Variants in SGSM1 observed in about 807,000 individuals in gnomAD.
SGSM1 encodes small G protein signaling modulator 1.
SGSM1 carries 73 observed loss-of-function variants against 133.8 expected under a neutral mutation model. The observed-to-expected ratio is 0.55, with a 90% CI of 0.45 to 0.66. The LOEUF (loss-of-function observed/expected upper bound fraction) is 0.66. Ranked by LOEUF, SGSM1 falls within the 30% of genes least tolerant of loss-of-function variation. The pLI, the probability that SGSM1 is intolerant of heterozygous loss-of-function variation, is 0.00. For missense variants in SGSM1, 1,213 were observed against 1,448.1 expected, an observed-to-expected ratio of 0.84 and a Z score of 2.64; for synonymous variants, 563 against 573.0, an observed-to-expected ratio of 0.98 and a Z score of 0.25.
chr22:24,893,502 G>T lies in SGSM1; in HGVS notation c.1842G>T (p.Arg614=). ...GGCTGGGCTGCGAGGCGATCGTGCG[G>T]CAGAGGGAGCGGGAGTCCCATGCGG... ...AEWLGCEAIV[R]QRERESHAAA... The change falls in exon 17 of 25, where the codon CGG becomes CGT. Residue 614 remains arginine, a synonymous_variant. Transcript: ENST00000400358. 6.2e-7 allele frequency: 1 copy of T among 1,613,598 alleles called. No homozygotes were observed. The highest frequency in any genetic ancestry group is 2.2e-5 in the East Asian group (1 of 44,854).
intron 2 of SGSM1, among the ~76,000 whole-genome samples, chr22:24,830,696 A>AGTGTATGGAGAG (rs1929067767): frequency 6.8e-6 from 1 of 147,046 alleles, no homozygotes; most frequent in Non-Finnish European, 1.5e-5. Flanking sequence ...ACCAGAAGGA[A>AGTGTATGGAGAG]GCTTTTCCTT....
In SGSM1 at chr22:24,819,124, C is replaced by T. The variant is rs146828951; in HGVS notation, c.63+12640C>T. Among the ~76,000 whole-genome samples the T allele has an allele frequency of 7.0e-3, 1,011 of 143,624 alleles. 12 individuals carry two copies. Among genetic ancestry groups the T allele is most frequent in the African/African-American group, 0.025 (961 of 38,494 alleles). 94.2% of individuals were successfully genotyped at this position (143,624 alleles called of 152,430 possible). On this transcript the variant is annotated intron_variant, in intron 2 of 24. Transcript: ENST00000400358. ...TTGCACCACTGCACTCCAGCCTGGG[C>T]GACAGAGCAAGACTCTGTCAAAAAA...
intron 9 of SGSM1, among the ~76,000 whole-genome samples, chr22:24,864,259 T>C (rs527472156): frequency 2.6e-5 from 4 of 152,330 alleles, no homozygotes; most frequent in East Asian, 3.9e-4. Flanking sequence ...ACAGACCAAC[T>C]TGGCAGTTTC....
chr22:24,830,190 C>T (rs16979022), intron 2 of SGSM1, among the ~76,000 whole-genome samples: 27,855 of 152,110 alleles, frequency 0.18, 3,219 homozygotes, highest in African/African-American at 0.31. Context: ...GCTGTCAGCT[C>T]GGGAAGATAC....
intron 11 of SGSM1, 34 bp downstream of exon 11, chr22:24,868,573 T>C (rs1931587862): frequency 6.2e-7 from 1 of 1,612,682 alleles, no homozygotes; most frequent in Non-Finnish European, 8.5e-7. Context: ...GAGGCTGGGG[T>C]GGAGGCTGGT....
At chr22:24,817,126 A>C (rs9612774) in intron 2 of SGSM1, among the ~76,000 whole-genome samples, 2,537 of 152,302 alleles carry the variant, frequency 0.017, 41 homozygotes, top group Middle Eastern at 0.031. Context: ...AGATGTCCAC[A>C]TCAAAGGGCT....
chr22:24,874,288 T>C, intron 12 of SGSM1: 2 of 912,234 alleles, frequency 2.2e-6, no homozygotes, highest in East Asian at 2.7e-5. Flanking sequence ...ACAGTGAATG[T>C]GGGAGCTGTG....
chr22:24,815,605 C>T (rs932404160), intron 2 of SGSM1, among the ~76,000 whole-genome samples: 2 of 152,022 alleles, frequency 1.3e-5, no homozygotes, highest in East Asian at 1.9e-4. Flanking sequence ...ATTAGCCGGG[C>T]GTGGTGGCGG....
intron 2 of SGSM1, among the ~76,000 whole-genome samples, chr22:24,827,695 A>G (rs4820615): frequency 0.66 from 100,613 of 151,762 alleles, 33,749 homozygotes; most frequent in East Asian, 0.88. Context: ...GATCTCATTC[A>G]GGCCTCCTCA....
chr22:24,915,686 T>G (rs1933797098), intron 22 of SGSM1, among the ~76,000 whole-genome samples: 1 of 152,246 alleles, frequency 6.6e-6, no homozygotes, highest in African/African-American at 2.4e-5. Flanking sequence ...GCATTTATCC[T>G]TTGTGCTCCA....
At chr22:24,900,860 C>T (rs956002583) in intron 19 of SGSM1, among the ~76,000 whole-genome samples, 51 of 152,164 alleles carry the variant, frequency 3.4e-4, no homozygotes, top group African/African-American at 1.2e-3. Context: ...AACATGAGCT[C>T]ATATTTCTTG....
intron 13 of SGSM1, among the ~76,000 whole-genome samples, chr22:24,876,972 A>G (rs144253833): frequency 0.011 from 1,749 of 152,314 alleles, 16 homozygotes; most frequent in African/African-American, 0.04. Context: ...TTTATCATGC[A>G]TGCTGTGTTT....
At chr22:24,829,037 C>CA (rs139628) in intron 2 of SGSM1, among the ~76,000 whole-genome samples, 3 of 151,014 alleles carry the variant, frequency 2.0e-5, no homozygotes, top group South Asian at 4.2e-4. Context: ...ATTAAAAATA[C>CA]AAAAAAAAAT....
chr22:24,856,694 T>C (rs139686), intron 8 of SGSM1, among the ~76,000 whole-genome samples: 18,692 of 152,094 alleles, frequency 0.12, 1,845 homozygotes, highest in African/African-American at 0.27. Flanking sequence ...CCTCCGTATC[T>C]GCATCACAAT....
chr22:24,808,137 G>A lies in SGSM1; in HGVS notation c.63+1653G>A, dbSNP rs180905470. Among the ~76,000 whole-genome samples, 18 of 137,508 alleles carry A rather than the reference G, an allele frequency of 1.3e-4. No homozygotes were observed. The East Asian group carries it at 1.5e-3, about 11-fold the overall frequency. The allele number at this position is 137,508 out of a possible 152,430, so 90.2% of individuals were successfully genotyped here. A position where few individuals can be genotyped will look rare whatever the true frequency, so the allele number is the denominator to read the frequency against. ...GGTGTTTTTTTTTTTTTTTTGAGAC[G>A]GAGTCTCGCTCTGTTGCCCAGGATA... On this transcript the variant is annotated intron_variant, in intron 2 of 24. Coordinates refer to ENST00000400358, the MANE Select transcript of SGSM1 (RefSeq NM_001098497.3).
chr22:24,905,271 CTG>C, intron 21 of SGSM1, 84 bp downstream of exon 21: 1 of 1,343,134 alleles, frequency 7.4e-7, no homozygotes, highest in Non-Finnish European at 1.1e-6. Flanking sequence ...CTTTGTGACT[CTG>C]TAGAATGTGG....
At chr22:24,841,936 C>T (rs1441113633) in intron 2 of SGSM1, among the ~76,000 whole-genome samples, 1 of 152,168 alleles carries the variant, frequency 6.6e-6, no homozygotes, top group Non-Finnish European at 1.5e-5. Context: ...CCAGGTCTGT[C>T]TGTCCCCAAA....
rs1397404202 is a variant in SGSM1, at chr22:24,806,231, CCGCCGCGGCTGCAGCAGCAG to C, written c.-85_-66del. The stretch of plus-strand genomic sequence containing the variant: ...CCGTCACTCAGCGCTCGGCCCCGCC[CCGCCGCGGCTGCAGCAGCAG>C]CGCCGCGGCCGGAGGAGCTACCGCC... On this transcript the variant is annotated 5_prime_UTR_variant, in exon 1 of 25. Transcript: ENST00000400358. 1.4e-5 allele frequency: 18 copies of C among 1,295,094 alleles called. No individual in the cohort carries two copies. The highest frequency in any genetic ancestry group is 4.7e-5 in the African/African-American group (3 of 64,090). 80.2% of individuals were successfully genotyped at this position (1,295,094 alleles called of 1,614,324 possible). A position where few individuals can be genotyped will look rare whatever the true frequency, so the allele number is the denominator to read the frequency against.
chr22:24,859,225 G>A (rs1173301964), intron 8 of SGSM1, among the ~76,000 whole-genome samples: 1 of 152,172 alleles, frequency 6.6e-6, no homozygotes, highest in Non-Finnish European at 1.5e-5. Context: ...GTAAATCTAG[G>A]GGAGAAAAGG....
Sources: allele counts gnomAD v4.1 joint callset (sites outside exome capture counted in the v4.1 genomes callset), GRCh38; gene constraint gnomAD v4.1.1; transcripts MANE v1.5; gene names NCBI Gene and HGNC (gene_info 2026-07-23, HGNC 2026-07-21).